Variants in BANK1 observed in about 807,000 individuals in gnomAD.
The protein encoded by BANK1 is B-cell scaffold protein with ankyrin repeats.
A neutral mutation model predicts 94.5 loss-of-function variants in BANK1; 95 were observed. That is an observed-to-expected ratio of 1.00 (90% confidence interval 0.85 to 1.19). The LOEUF (loss-of-function observed/expected upper bound fraction) is 1.19. BANK1 is among the 50% of genes most tolerant of loss of function. The pLI is 0.00. For missense variants in BANK1, 987 were observed against 932.2 expected (o/e 1.06, Z -0.77); for synonymous variants, 334 against 308.4 (o/e 1.08, Z -0.87).
intron 6 of BANK1, among the ~76,000 whole-genome samples, chr4:101,901,729 G>A (rs534495921): frequency 7.9e-5 from 12 of 151,446 alleles, no homozygotes; most frequent in Non-Finnish European, 1.6e-4. Flanking sequence ...TGAAGTAGTT[G>A]GCTGCATTAT....
chr4:101,802,027 G>C (rs1411509773), intron 1 of BANK1, among the ~76,000 whole-genome samples: 2 of 152,178 alleles, frequency 1.3e-5, no homozygotes, highest in Non-Finnish European at 2.9e-5. Context: ...TGGCAAGCCA[G>C]GGTGGTCTTG....
At chr4:101,944,569 T>C (rs914436197) in intron 7 of BANK1, among the ~76,000 whole-genome samples, 2 of 151,880 alleles carry the variant, frequency 1.3e-5, no homozygotes, top group Non-Finnish European at 1.5e-5. Flanking sequence ...TTTTCATAGT[T>C]ATTCAAGAAC....
chr4:101,856,304 AC>A, intron 3 of BANK1, among the ~76,000 whole-genome samples: 1 of 152,272 alleles, frequency 6.6e-6, no homozygotes, highest in Non-Finnish European at 1.5e-5. Context: ...TACCTTAGAG[AC>A]CCCAGGAAAC....
intron 2 of BANK1, among the ~76,000 whole-genome samples, chr4:101,845,997 T>C (rs946874185): frequency 2.0e-5 from 3 of 152,204 alleles, no homozygotes; most frequent in African/African-American, 7.2e-5. Context: ...GTATACCTCC[T>C]AATGCTATCC....
At chr4:101,823,294 T>C (rs904437754) in intron 1 of BANK1, among the ~76,000 whole-genome samples, 17 of 152,230 alleles carry the variant, frequency 1.1e-4, no homozygotes, top group African/African-American at 3.9e-4. Context: ...CCCATTCCAA[T>C]GTATATAAAT....
At chr4:101,831,843 C>T (rs894414578) in intron 2 of BANK1, among the ~76,000 whole-genome samples, 2 of 152,128 alleles carry the variant, frequency 1.3e-5, no homozygotes, top group African/African-American at 4.8e-5. Context: ...ATATCAGTTT[C>T]TATGATTCAG....
At chr4:102,029,670 A>T (rs1727220800) in intron 9 of BANK1, among the ~76,000 whole-genome samples, 1 of 151,240 alleles carries the variant, frequency 6.6e-6, no homozygotes, top group Non-Finnish European at 1.5e-5. Context: ...TAAATGTTTT[A>T]AAAAATTCCA....
chr4:102,052,769 T>C (rs932720839), intron 11 of BANK1, among the ~76,000 whole-genome samples: 4 of 152,142 alleles, frequency 2.6e-5, no homozygotes, highest in Admixed American at 6.6e-5. Context: ...TACTAGGCAG[T>C]TGGCAACAAA....
intron 5 of BANK1, among the ~76,000 whole-genome samples, chr4:101,887,138 G>A (rs1041169500): frequency 4.6e-5 from 7 of 152,056 alleles, no homozygotes; most frequent in South Asian, 2.1e-4. Context: ...TTTGAATTCC[G>A]ACAAGGAAGT....
At chr4:101,859,769 AAT>A (rs932960163) in intron 3 of BANK1, among the ~76,000 whole-genome samples, 1 of 152,142 alleles carries the variant, frequency 6.6e-6, no homozygotes, top group Non-Finnish European at 1.5e-5. Context: ...TTAATTTAAA[AAT>A]ATATATACAG....
intron 5 of BANK1, among the ~76,000 whole-genome samples, chr4:101,891,355 A>G (rs1163155319): frequency 6.6e-6 from 1 of 152,224 alleles, no homozygotes; most frequent in East Asian, 1.9e-4. Flanking sequence ...GCTTCTAGCA[A>G]TCTAATTGTT....
rs758894777 is a variant in BANK1, at chr4:101,939,913, C to T, written c.1206+21724C>T. Among the ~76,000 whole-genome samples, 58 of 151,714 alleles carry T rather than the reference C, an allele frequency of 3.8e-4. 2 individuals are homozygous for T. Among genetic ancestry groups the T allele is most frequent in the Admixed American group, 3.3e-4 (5 of 15,196 alleles). ...TATTAAAATTATGGAAACAGAGCTT[C>T]TCTGACAAGTTAGCTTTTCTGGTGC... On this transcript the variant is annotated intron_variant, in intron 7 of 16. Transcript: ENST00000322953.
chr4:101,820,730 GT>G (rs1364989825), intron 1 of BANK1, among the ~76,000 whole-genome samples: 2 of 152,064 alleles, frequency 1.3e-5, no homozygotes, highest in Non-Finnish European at 2.9e-5. Flanking sequence ...GTGGTATTTG[GT>G]TTTCTGTTCC....
rs181740632 is a variant in BANK1 at position 102,009,387 on chromosome 4, G to T, written c.1207-12127G>T. ...ACATTTTGATTATTTTAATTATGTT[G>T]CTTTGACTGCCCAGATGCCCTACCT... On this transcript the variant is annotated intron_variant, in intron 7 of 16. Transcript: ENST00000322953. Among the ~76,000 whole-genome samples, 995 of 152,220 alleles carry T rather than the reference G, an allele frequency of 6.5e-3. 7 individuals are homozygous for T. The highest frequency in any genetic ancestry group is 0.012 in the Non-Finnish European group (823 of 68,006).
chr4:102,040,409 T>TTAAAGG (rs1727666757), intron 10 of BANK1, among the ~76,000 whole-genome samples: 1 of 152,080 alleles, frequency 6.6e-6, no homozygotes, highest in Non-Finnish European at 1.5e-5. Flanking sequence ...TCTGTGGACT[T>TTAAAGG]TTTATGTTTA....
At chr4:102,031,930 T>C (rs1727330612) in intron 10 of BANK1, among the ~76,000 whole-genome samples, 1 of 150,200 alleles carries the variant, frequency 6.7e-6, no homozygotes, top group African/African-American at 2.4e-5. Flanking sequence ...TTGATATTGT[T>C]CAAGAAACTA....
chr4:101,882,225 A>C (rs1208105493), intron 5 of BANK1, among the ~76,000 whole-genome samples: 2 of 152,144 alleles, frequency 1.3e-5, no homozygotes, highest in African/African-American at 4.8e-5. Flanking sequence ...AGAAATCAAA[A>C]TTTAAAATTT....
chr4:101,957,562 C>T (rs1334354712), intron 7 of BANK1, among the ~76,000 whole-genome samples: 1 of 152,194 alleles, frequency 6.6e-6, no homozygotes, highest in Non-Finnish European at 1.5e-5. Flanking sequence ...TGGACTCATC[C>T]TGGAAACTTA....
chr4:102,006,256 G>A (rs1726257425), intron 7 of BANK1, among the ~76,000 whole-genome samples: 2 of 152,030 alleles, frequency 1.3e-5, no homozygotes, highest in South Asian at 4.1e-4. Context: ...CTGACCTTAA[G>A]TATTTGTTTT....
Sources: gnomAD v4.1 joint callset for allele counts (sites outside exome capture counted in the v4.1 genomes callset) on GRCh38, gnomAD v4.1.1 for gene constraint, MANE v1.5 for transcripts, NCBI Gene and HGNC (gene_info 2026-07-23, HGNC 2026-07-21) for gene names.